The following KCNQ1OT1 variants were observed in gnomAD, a reference collection of about 807,000 sequenced individuals.
The protein encoded by KCNQ1OT1 is KCNQ1 opposite strand/antisense transcript 1, also known as KCNQ1 antisense RNA 2 (non-protein coding).
In KCNQ1OT1 at chr11:2,691,608, G is replaced by C. The variant is rs577131714; in HGVS notation, n.8387C>G. 2.5e-6 allele frequency: 1 copy of C among 398,578 alleles called. No homozygotes were observed. The highest frequency in any genetic ancestry group is 1.3e-4 in the South Asian group (1 of 7,860). The allele number at this position is 398,578 out of a possible 1,614,324, so 24.7% of individuals were successfully genotyped here. ...CTCCCTGAGGGAGTCAACCTAGCTT[G>C]TTCCCTGCACGTACTGTGGGGAGGT... On this transcript the variant is annotated non_coding_transcript_exon_variant, in exon 1 of 1. Transcript: ENST00000597346. The surrounding 1 kb of genome is among the most constrained non-coding windows in gnomAD (Gnocchi z 6.4).
chr11:2,650,169 TC>T (rs1421501324), exon 1 of KCNQ1OT1: 1 of 398,430 alleles, frequency 2.5e-6, no homozygotes, highest in Non-Finnish European at 4.4e-6. Context: ...CTGCTGGATT[TC>T]CCATTTAGAT....
In KCNQ1OT1 at chr11:2,612,537, T is replaced by C. The variant is rs2133792641; in HGVS notation, n.87458A>G. 7 of 398,638 alleles carry C rather than the reference T, an allele frequency of 1.8e-5. No homozygotes were observed. Among genetic ancestry groups the C allele is most frequent in the Non-Finnish European group, 3.1e-5 (7 of 226,056 alleles). 24.7% of individuals were successfully genotyped at this position (398,638 alleles called of 1,614,324 possible). A position where few individuals can be genotyped will look rare whatever the true frequency, so the allele number is the denominator to read the frequency against. On this transcript the variant is annotated non_coding_transcript_exon_variant, in exon 1 of 1. Coordinates refer to ENST00000597346, the Ensembl canonical transcript of KCNQ1OT1. This position sits in a 1 kb window ranked among gnomAD's most constrained non-coding sequence, Gnocchi z 5.5. The stretch of plus-strand genomic sequence containing the variant: ...GGTCAAATTTGCTTAGCCGCACTAG[T>C]GAGTTTTTCACCTAAGTTATTATAT...
exon 1 of KCNQ1OT1, chr11:2,636,875 T>C (rs896730488): frequency 6.6e-6 from 1 of 152,260 alleles, no homozygotes; most frequent in African/African-American, 2.4e-5. Flanking sequence ...CTGTTATTGG[T>C]CTTTTCAGGG....
chr11:2,631,918 C>T (rs1024687674), exon 1 of KCNQ1OT1: 14 of 397,458 alleles, frequency 3.5e-5, no homozygotes, highest in Non-Finnish European at 6.2e-5. Context: ...CGCAGTGGCT[C>T]ACGCCTGTAA....
chr11:2,666,506 G>T (rs1040904764), exon 1 of KCNQ1OT1: 2 of 398,592 alleles, frequency 5.0e-6, no homozygotes, highest in African/African-American at 4.1e-5. Flanking sequence ...TTCCAGCAAG[G>T]CCGCTGTGGC....
chr11:2,662,442 G>A (rs1373309808), exon 1 of KCNQ1OT1: 1 of 494,240 alleles, frequency 2.0e-6, no homozygotes, highest in Non-Finnish European at 3.5e-6. Flanking sequence ...ATGGAACCCT[G>A]GCCAAAGCCA....
exon 1 of KCNQ1OT1, chr11:2,643,946 A>G (rs1309608871): frequency 5.0e-6 from 2 of 398,452 alleles, no homozygotes. Flanking sequence ...CCTGGCCTGT[A>G]AAGTTTCTGC....
chr11:2,657,174 C>G lies in KCNQ1OT1; in HGVS notation n.42821G>C. On this transcript the variant is annotated non_coding_transcript_exon_variant, in exon 1 of 1. Transcript: ENST00000597346. This position sits in a 1 kb window ranked among gnomAD's most constrained non-coding sequence, Gnocchi z 4.8. ...GTACAGCAAGTTCTCCCACCTTGTTCTTCTTCAAGAATATTGCCAATTCTT... is the reference window on the plus strand; with the variant it reads ...GTACAGCAAGTTCTCCCACCTTGTTGTTCTTCAAGAATATTGCCAATTCTT... The G allele has an allele frequency of 2.5e-6, 1 of 398,640 alleles. No individual in the cohort carries two copies. The highest frequency in any genetic ancestry group is 3.6e-5 in the East Asian group (1 of 28,080). 24.7% of individuals were successfully genotyped at this position (398,640 alleles called of 1,614,324 possible).
exon 1 of KCNQ1OT1, chr11:2,686,494 C>T (rs552075640): frequency 2.5e-5 from 10 of 398,716 alleles, no homozygotes; most frequent in African/African-American, 1.8e-4. Context: ...CCCACCCTCA[C>T]CCAGTGTTGA....
chr11:2,673,707 A>G lies in KCNQ1OT1; in HGVS notation n.26288T>C, dbSNP rs920805508. ...AATGTTTAATTCCTGAGGTTGCTGA[A>G]TCTCAGGGCTTGGAAGGCCCAGACT... is the stretch of plus-strand genomic sequence containing the variant. On this transcript the variant is annotated non_coding_transcript_exon_variant, in exon 1 of 1. Coordinates refer to ENST00000597346, the Ensembl canonical transcript of KCNQ1OT1. This position sits in a 1 kb window ranked among gnomAD's most constrained non-coding sequence, Gnocchi z 4.5. The G allele has an allele frequency of 2.5e-6, 1 of 398,628 alleles. No individual in the cohort carries two copies. The highest frequency in any genetic ancestry group is 2.1e-5 in the African/African-American group (1 of 48,642). 24.7% of individuals were successfully genotyped at this position (398,628 alleles called of 1,614,324 possible). A position where few individuals can be genotyped will look rare whatever the true frequency, so the allele number is the denominator to read the frequency against.
At position 2,677,363 on chromosome 11, in the gene KCNQ1OT1, T is replaced by C. The variant is rs989817762; in HGVS notation, n.22632A>G. The C allele has an allele frequency of 7.5e-6, 3 of 398,484 alleles. No homozygotes were observed. The highest frequency in any genetic ancestry group is 4.4e-5 in the Admixed American group (1 of 22,714). The allele number at this position is 398,484 out of a possible 1,614,324, so 24.7% of individuals were successfully genotyped here. On this transcript the variant is annotated non_coding_transcript_exon_variant, in exon 1 of 1. Coordinates refer to ENST00000597346, the Ensembl canonical transcript of KCNQ1OT1. This position sits in a 1 kb window ranked among gnomAD's most constrained non-coding sequence, Gnocchi z 4.5. Reference sequence around the variant, plus strand: ...TAGAGACTGGGCAGAGTAGACCAGTTAGTTAATCAGTTGAAGAGGAAACCA... The same window carrying C: ...TAGAGACTGGGCAGAGTAGACCAGTCAGTTAATCAGTTGAAGAGGAAACCA...
rs890729523 is a variant in KCNQ1OT1, at chr11:2,686,960, C to T, written n.13035G>A. 25 of 398,552 alleles carry T rather than the reference C, an allele frequency of 6.3e-5. No individual in the cohort carries two copies. In the East Asian group the frequency reaches 8.2e-4, roughly 13 times the overall value. 24.7% of individuals were successfully genotyped at this position (398,552 alleles called of 1,614,324 possible). A position where few individuals can be genotyped will look rare whatever the true frequency, so the allele number is the denominator to read the frequency against. On this transcript the variant is annotated non_coding_transcript_exon_variant, in exon 1 of 1. Transcript: ENST00000597346. Reference sequence around the variant, plus strand: ...TGCGGAGCATGCCCAGCTTACCATCCTGATGCAGAGGCAAGGACAACACTG... The same window carrying T: ...TGCGGAGCATGCCCAGCTTACCATCTTGATGCAGAGGCAAGGACAACACTG...
At chr11:2,625,052 C>T (rs888815903) in exon 1 of KCNQ1OT1, 2 of 398,422 alleles carry the variant, frequency 5.0e-6, no homozygotes, top group Non-Finnish European at 8.8e-6. Context: ...CGTGGGTATA[C>T]AAATATATCT....
exon 1 of KCNQ1OT1, chr11:2,637,132 C>T (rs763977497): frequency 6.6e-6 from 1 of 152,094 alleles, no homozygotes; most frequent in Non-Finnish European, 1.5e-5. Context: ...AAAAAAACCA[C>T]CTCCTGGATT....
Position 2,654,052 on chromosome 11 carries a change from G to A in KCNQ1OT1, n.45943C>T, listed in dbSNP as rs1849798512. On this transcript the variant is annotated non_coding_transcript_exon_variant, in exon 1 of 1. Coordinates refer to ENST00000597346, the Ensembl canonical transcript of KCNQ1OT1. The surrounding 1 kb of genome is among the most constrained non-coding windows in gnomAD (Gnocchi z 6.4). ...CCTCGCCTTGTTCCTGGCAGCTGTT[G>A]TGGGAATGGCTTTTACACTTTCCAT... The A allele has an allele frequency of 1.3e-5, 5 of 398,752 alleles. No homozygotes were observed. In the East Asian group the frequency reaches 1.8e-4, roughly 14 times the overall value. 24.7% of individuals were successfully genotyped at this position (398,752 alleles called of 1,614,324 possible).
Position 2,663,524 on chromosome 11 carries a change from C to A in KCNQ1OT1, n.36471G>T. On this transcript the variant is annotated non_coding_transcript_exon_variant, in exon 1 of 1. Transcript: ENST00000597346. The surrounding 1 kb of genome is among the most constrained non-coding windows in gnomAD (Gnocchi z 5.2). ...AGTGCCTGTATTGCCTCTTGGCTGT[C>A]CCCTCAGAGAGGGGACTGTCCCTTC... The A allele has an allele frequency of 2.5e-6, 1 of 398,596 alleles. No individual in the cohort carries two copies. The allele number at this position is 398,596 out of a possible 1,614,324, so 24.7% of individuals were successfully genotyped here.
chr11:2,618,668 GT>G, exon 1 of KCNQ1OT1: 2 of 398,414 alleles, frequency 5.0e-6, no homozygotes, highest in Non-Finnish European at 4.4e-6. Context: ...TCAGAATTTC[GT>G]TGGCTACTTA....
At position 2,664,019 on chromosome 11, in the gene KCNQ1OT1, C is replaced by A. The variant is rs895640581; in HGVS notation, n.35976G>T. On this transcript the variant is annotated non_coding_transcript_exon_variant, in exon 1 of 1. Transcript: ENST00000597346. The surrounding 1 kb of genome is among the most constrained non-coding windows in gnomAD (Gnocchi z 5.1). Reference sequence around the variant, plus strand: ...TTGGGTCTGGCACATTACCATTCTGCAAGATCCTGCAGCCTTTTCAGGTTG... The same window carrying A: ...TTGGGTCTGGCACATTACCATTCTGAAAGATCCTGCAGCCTTTTCAGGTTG... 1.0e-5 allele frequency: 4 copies of A among 398,646 alleles called. No individual in the cohort carries two copies. Among genetic ancestry groups the A allele is most frequent in the Non-Finnish European group, 1.3e-5 (3 of 226,156 alleles). 24.7% of individuals were successfully genotyped at this position (398,646 alleles called of 1,614,324 possible). A position where few individuals can be genotyped will look rare whatever the true frequency, so the allele number is the denominator to read the frequency against.
rs1286093451 is a variant in KCNQ1OT1 at position 2,659,733 on chromosome 11, C to T, written n.40262G>A. 1 of 398,368 alleles carries T rather than the reference C, an allele frequency of 2.5e-6. No individual in the cohort carries two copies. Among genetic ancestry groups the T allele is most frequent in the Non-Finnish European group, 4.4e-6 (1 of 226,012 alleles). 24.7% of individuals were successfully genotyped at this position (398,368 alleles called of 1,614,324 possible). A position where few individuals can be genotyped will look rare whatever the true frequency, so the allele number is the denominator to read the frequency against. ...CCACCAGTAACATATGAGAGTTCTA[C>T]ATGTTCCACATCCTCAAGAGTGGTT... On this transcript the variant is annotated non_coding_transcript_exon_variant, in exon 1 of 1. Coordinates refer to ENST00000597346, the Ensembl canonical transcript of KCNQ1OT1. This position sits in a 1 kb window ranked among gnomAD's most constrained non-coding sequence, Gnocchi z 4.3.
Sources: allele counts gnomAD v4.1 joint callset, GRCh38; gene constraint gnomAD v4.1.1; non-coding constraint Gnocchi (gnomAD v3.1); transcripts MANE v1.5; gene names NCBI Gene and HGNC (gene_info 2026-07-23, HGNC 2026-07-21).